Variants in FRMPD4 observed in about 807,000 individuals in gnomAD.
The protein encoded by FRMPD4 is FERM and PDZ domain containing 4.
In FRMPD4, 22 loss-of-function variants were observed where a neutral mutation model predicts 94.1. That is an observed-to-expected ratio of 0.23 (90% CI 0.17 to 0.33). FRMPD4 has a LOEUF of 0.33. FRMPD4 is among the 10% of genes least tolerant of loss of function. The pLI is 1.00. For missense variants in FRMPD4, 1,111 were observed against 1,339.9 expected, an observed-to-expected ratio of 0.83 and a Z score of 2.67; for synonymous variants, 631 against 548.6, an observed-to-expected ratio of 1.15 and a Z score of -2.10.
At chrX:12,519,419 C>G (rs2058137785) in intron 2 of FRMPD4, among the ~76,000 whole-genome samples, 1 of 112,059 alleles carries the variant, frequency 8.9e-6, no homozygotes, top group Non-Finnish European at 1.9e-5. Flanking sequence ...TGATCTTTGA[C>G]AAGGCTGCCA....
intron 1 of FRMPD4, among the ~76,000 whole-genome samples, chrX:12,377,846 T>G (rs184584257): frequency 1.2e-4 from 13 of 112,515 alleles, no homozygotes; most frequent in African/African-American, 4.2e-4. Context: ...GCATTAGGCA[T>G]TCTCCTCGTG....
chrX:12,138,881 G>A lies in FRMPD4; in HGVS notation c.-91G>A. The stretch of plus-strand genomic sequence containing the variant: ...CCGCGACTCGAGCCCCGGGCGCACT[G>A]AGGTCTTGGCCATGGGGCTGCGGAG... On this transcript the variant is annotated 5_prime_UTR_variant, in exon 1 of 17. Coordinates refer to ENST00000675598, the MANE Select transcript of FRMPD4 (RefSeq NM_001368397.1). 1.3e-6 allele frequency: 1 copy of A among 753,148 alleles called. No homozygotes were observed. The highest frequency in any genetic ancestry group is 1.8e-6 in the Non-Finnish European group (1 of 546,513). 62.1% of individuals were successfully genotyped at this position (753,148 alleles called of 1,213,427 possible). A position where few individuals can be genotyped will look rare whatever the true frequency, so the allele number is the denominator to read the frequency against.
In FRMPD4 at chrX:11,990,210, A is replaced by C. The variant is rs901227550; in HGVS notation, c.95+112192A>C. Among the ~76,000 whole-genome samples, 3 of 112,254 alleles carry C rather than the reference A, an allele frequency of 2.7e-5. No homozygotes were observed. In the East Asian group the frequency reaches 8.4e-4, roughly 31 times the overall value. Reference sequence around the variant, plus strand: ...GCTAAGTTAAACAAGCCAGGCACAAATGGTTACGTTGTATGATTCCATTTA... The same window carrying C: ...GCTAAGTTAAACAAGCCAGGCACAACTGGTTACGTTGTATGATTCCATTTA... On this transcript the variant is annotated intron_variant, in intron 3 of 18. Transcript: ENST00000640291.
At chrX:12,032,046 G>C (rs761365653) in intron 3 of FRMPD4, among the ~76,000 whole-genome samples, 3 of 111,919 alleles carry the variant, frequency 2.7e-5, no homozygotes, top group Non-Finnish European at 3.8e-5. Flanking sequence ...ACTAAGACAG[G>C]AAAACAGGAG....
At chrX:11,838,182 G>T (rs1366557586) in intron 1 of FRMPD4, among the ~76,000 whole-genome samples, 1 of 111,052 alleles carries the variant, frequency 9.0e-6, no homozygotes, top group Non-Finnish European at 1.9e-5. Context: ...TATTTACAAG[G>T]CACCAACCCT....
chrX:12,410,679 C>A (rs1013797795), intron 1 of FRMPD4, among the ~76,000 whole-genome samples: 4 of 111,469 alleles, frequency 3.6e-5, no homozygotes, highest in African/African-American at 1.3e-4. Flanking sequence ...TTTTCTTAAC[C>A]CCCAACTCTT....
At chrX:11,881,228 G>T (rs1445659427) in intron 3 of FRMPD4, among the ~76,000 whole-genome samples, 1 of 111,888 alleles carries the variant, frequency 8.9e-6, no homozygotes, top group East Asian at 2.8e-4. Context: ...CAGTCACTTT[G>T]GAGACAGTTT....
At chrX:12,639,738 G>C (rs2059476798) in intron 4 of FRMPD4, among the ~76,000 whole-genome samples, 1 of 111,919 alleles carries the variant, frequency 8.9e-6, no homozygotes, top group Admixed American at 9.5e-5. Flanking sequence ...ACAAATAGTA[G>C]ACTCACAAAT....
chrX:12,249,595 CATT>C (rs1335229985), intron 1 of FRMPD4, among the ~76,000 whole-genome samples: 2 of 111,259 alleles, frequency 1.8e-5, no homozygotes, highest in African/African-American at 6.6e-5. Flanking sequence ...GAAACACCAT[CATT>C]ATCATCCCTA....
chrX:12,486,394 G>A (rs192218675), intron 1 of FRMPD4, among the ~76,000 whole-genome samples: 7 of 112,235 alleles, frequency 6.2e-5, no homozygotes, highest in South Asian at 7.4e-4. Context: ...AGTTGGAGAG[G>A]CCCTGCTATA....
chrX:12,447,301 A>C (rs771736693), intron 1 of FRMPD4, among the ~76,000 whole-genome samples: 73 of 111,266 alleles, frequency 6.6e-4, no homozygotes, highest in African/African-American at 2.3e-3. Context: ...CCCTGGCCTT[A>C]ATGCTAGACG....
intron 1 of FRMPD4, among the ~76,000 whole-genome samples, chrX:12,415,710 G>A (rs888199914): frequency 1.8e-5 from 2 of 111,966 alleles, no homozygotes; most frequent in African/African-American, 6.5e-5. Flanking sequence ...CATTATACAT[G>A]ATATATCCAG....
At chrX:12,463,093 G>A (rs1210845918) in intron 1 of FRMPD4, among the ~76,000 whole-genome samples, 1 of 112,187 alleles carries the variant, frequency 8.9e-6, no homozygotes, top group Admixed American at 9.4e-5. Flanking sequence ...GGGAGGATGG[G>A]TAGGGTCAAA....
At chrX:12,436,214 T>G (rs2057065406) in intron 1 of FRMPD4, among the ~76,000 whole-genome samples, 1 of 111,189 alleles carries the variant, frequency 9.0e-6, no homozygotes. Context: ...CATGTTGGCC[T>G]GAGCGGTCTC....
At chrX:12,088,406 A>G in intron 3 of FRMPD4, among the ~76,000 whole-genome samples, 1 of 111,970 alleles carries the variant, frequency 8.9e-6, no homozygotes, top group East Asian at 2.8e-4. Flanking sequence ...TGGGATTTCA[A>G]CATATGAACA....
chrX:12,388,366 G>A (rs748050515), intron 1 of FRMPD4, among the ~76,000 whole-genome samples: 1 of 111,804 alleles, frequency 8.9e-6, no homozygotes, highest in East Asian at 2.8e-4. Context: ...CAGCACTTTG[G>A]GAGGCCAAAG....
rs867541239 is a variant in FRMPD4, at chrX:12,648,666, T to A, written c.423-26197T>A. Among the ~76,000 whole-genome samples the A allele has an allele frequency of 2.4e-4, 27 of 112,408 alleles. 1 individual carries two copies. The Middle Eastern group carries it at 0.018, about 76-fold the overall frequency. On this transcript the variant is annotated intron_variant, in intron 4 of 16. Transcript: ENST00000675598. The stretch of plus-strand genomic sequence containing the variant: ...GATTAAAAGAAACAATATGTGAACA[T>A]GCTTCAGAACCCAAAGATGAACACA...
At chrX:12,688,305 C>A (rs1317710484) in intron 7 of FRMPD4, among the ~76,000 whole-genome samples, 1 of 112,114 alleles carries the variant, frequency 8.9e-6, no homozygotes, top group Non-Finnish European at 1.9e-5. Flanking sequence ...GAATGCATTT[C>A]TTAACAGAAA....
intron 3 of FRMPD4, among the ~76,000 whole-genome samples, chrX:12,108,171 G>C (rs1487601137): frequency 1.8e-5 from 2 of 111,734 alleles, no homozygotes; most frequent in African/African-American, 6.5e-5. Context: ...GGCAACCAGA[G>C]AGAAAGGTCG....
Sources: gnomAD v4.1 joint callset for allele counts (sites outside exome capture counted in the v4.1 genomes callset) on GRCh38, gnomAD v4.1.1 for gene constraint, MANE v1.5 for transcripts, NCBI Gene and HGNC (gene_info 2026-07-23, HGNC 2026-07-21) for gene names.